Variants in WHRN observed in about 807,000 individuals in gnomAD.
WHRN encodes CASK-interacting protein CIP98.
Under a neutral mutation model 68.3 loss-of-function variants are expected in WHRN, and 41 were observed. The observed-to-expected ratio is 0.60, with a 90% CI of 0.47 to 0.78. WHRN has a LOEUF of 0.78. WHRN is among the 30% of genes least tolerant of loss of function. The pLI is 0.00. For synonymous variants in WHRN, 560 were observed against 561.3 expected (o/e 1.00, Z 0.03); for missense variants, 1,243 against 1,244.7 (o/e 1.00, Z 0.02).
At chr9:114,495,537 C>T (rs996649671) in intron 1 of WHRN, among the ~76,000 whole-genome samples, 18 of 151,984 alleles carry the variant, frequency 1.2e-4, no homozygotes, top group South Asian at 4.2e-4. Flanking sequence ...GAAAGCACAA[C>T]GAGAAGGCAA....
chr9:114,495,940 T>C (rs953927288), intron 1 of WHRN, among the ~76,000 whole-genome samples: 3 of 152,148 alleles, frequency 2.0e-5, no homozygotes, highest in East Asian at 3.9e-4. Context: ...CCTATCCACA[T>C]GGGAGGTTAA....
At chr9:114,416,097 G>A (rs1167707557) in intron 7 of WHRN, among the ~76,000 whole-genome samples, 1 of 152,160 alleles carries the variant, frequency 6.6e-6, no homozygotes, top group Non-Finnish European at 1.5e-5. Flanking sequence ...GGGGACAAGA[G>A]GAGGGAAGAA....
intron 3 of WHRN, among the ~76,000 whole-genome samples, chr9:114,428,098 T>C (rs1256826214): frequency 1.3e-5 from 2 of 152,048 alleles, no homozygotes; most frequent in East Asian, 3.9e-4. Flanking sequence ...GAGGCTGAGG[T>C]GGGCAGATCA....
chr9:114,481,817 C>T (rs1483907621), intron 1 of WHRN, among the ~76,000 whole-genome samples: 1 of 151,968 alleles, frequency 6.6e-6, no homozygotes, highest in African/African-American at 2.4e-5. Flanking sequence ...TGGTGAGAAA[C>T]AAGGAGGCAT....
At chr9:114,479,138 G>A (rs369421495) in intron 1 of WHRN, among the ~76,000 whole-genome samples, 5 of 152,144 alleles carry the variant, frequency 3.3e-5, no homozygotes, top group Non-Finnish European at 4.4e-5. Context: ...TGAGAAATGC[G>A]GCTCATGTGC....
At position 114,434,755 on chromosome 9, in the gene WHRN, T is replaced by C. The variant is rs11789516; in HGVS notation, c.964-8342A>G. ...CTTCTACTTTCACCACCTTGCCCGA[T>C]ACTTTCCTTATGTAGAAGACAGATT... On this transcript the variant is annotated intron_variant, in intron 3 of 11. Transcript: ENST00000362057. Among the ~76,000 whole-genome samples the C allele has an allele frequency of 9.1e-3, 1,386 of 152,270 alleles. 10 individuals are homozygous for C. The highest frequency in any genetic ancestry group is 0.014 in the Middle Eastern group (4 of 294).
intron 8 of WHRN, among the ~76,000 whole-genome samples, chr9:114,407,644 C>G (rs1835132866): frequency 6.6e-6 from 1 of 152,166 alleles, no homozygotes; most frequent in Non-Finnish European, 1.5e-5. Flanking sequence ...TGATCATCAT[C>G]CCCACTTTAC....
intron 9 of WHRN, 84 bp downstream of exon 9, chr9:114,406,271 C>T (rs10982200): frequency 1.9e-6 from 3 of 1,587,044 alleles, no homozygotes; most frequent in African/African-American, 2.7e-5. Flanking sequence ...AGCTGGTCCC[C>T]CCCTTCACTG....
At chr9:114,415,811 GGATGGA>G (rs1835776142) in intron 7 of WHRN, among the ~76,000 whole-genome samples, 1 of 152,196 alleles carries the variant, frequency 6.6e-6, no homozygotes, top group Admixed American at 6.5e-5. Context: ...CCCCGCTCAT[GGATGGA>G]GAACGATTCT....
intron 3 of WHRN, among the ~76,000 whole-genome samples, chr9:114,430,038 C>T (rs972096482): frequency 4.6e-5 from 7 of 152,234 alleles, no homozygotes; most frequent in East Asian, 1.9e-4. Context: ...CAATAGCTTT[C>T]GCTTTCGTTG....
At chr9:114,429,273 T>C (rs977264314) in intron 3 of WHRN, among the ~76,000 whole-genome samples, 21 of 152,170 alleles carry the variant, frequency 1.4e-4, no homozygotes, top group African/African-American at 4.3e-4. Context: ...TGATGACATC[T>C]CTCCCTGCTT....
chr9:114,475,382 A>G (rs887743932), intron 2 of WHRN, among the ~76,000 whole-genome samples: 7 of 152,154 alleles, frequency 4.6e-5, no homozygotes, highest in African/African-American at 1.2e-4. Flanking sequence ...TTTGACAGTG[A>G]TTTAAGAGCA....
At chr9:114,477,775 G>A (rs1841770276) in intron 2 of WHRN, among the ~76,000 whole-genome samples, 4 of 152,184 alleles carry the variant, frequency 2.6e-5, no homozygotes, top group African/African-American at 9.7e-5. Flanking sequence ...CTGTAAAATG[G>A]CCAGGGCTGG....
chr9:114,423,650 C>T (rs1055601029), intron 6 of WHRN, 127 bp from the exon 7 acceptor site: 1 of 897,328 alleles, frequency 1.1e-6, no homozygotes, highest in African/African-American at 1.7e-5. Context: ...TGTCTGGCTC[C>T]CCAGTGCTCT....
rs1417231117 is a variant in WHRN at position 114,402,671 on chromosome 9, G to C, written c.*83C>G. 22 of 1,570,270 alleles carry C rather than the reference G, an allele frequency of 1.4e-5. No individual in the cohort carries two copies. The highest frequency in any genetic ancestry group is 1.9e-5 in the Non-Finnish European group (22 of 1,146,274). On this transcript the variant is annotated 3_prime_UTR_variant, in exon 12 of 12. Transcript: ENST00000362057. ...ACCCTGGCCATGCAGCCCCAACCCC[G>C]CAAGGAGCTTGATGAAGCCAACGGT...
intron 1 of WHRN, among the ~76,000 whole-genome samples, chr9:114,495,677 C>T (rs1334335951): frequency 6.6e-6 from 1 of 151,996 alleles, no homozygotes; most frequent in Non-Finnish European, 1.5e-5. Context: ...TGTATATGGA[C>T]CTGAGAAGCA....
chr9:114,487,482 C>T (rs988488755), intron 1 of WHRN, among the ~76,000 whole-genome samples: 1 of 152,214 alleles, frequency 6.6e-6, no homozygotes, highest in Non-Finnish European at 1.5e-5. Flanking sequence ...AAGCTCATCT[C>T]TTCCAATACT....
rs185207823 is a variant in WHRN, at chr9:114,444,916, T to C, written c.964-18503A>G. 2.9e-4 allele frequency among the ~76,000 whole-genome samples: 44 copies of C among 152,216 alleles called. No homozygotes were observed. The East Asian group carries it at 6.5e-3, about 23-fold the overall frequency. On this transcript the variant is annotated intron_variant, in intron 3 of 11. Coordinates refer to ENST00000362057, the MANE Select transcript of WHRN (RefSeq NM_015404.4). The stretch of plus-strand genomic sequence containing the variant: ...AATATTTTATCCATATTATATTCCA[T>C]GTAGACATTACACACTGAAAGGTTA...
chr9:114,503,859 T>C (rs1459992137), intron 1 of WHRN, among the ~76,000 whole-genome samples: 1 of 151,878 alleles, frequency 6.6e-6, no homozygotes, highest in Non-Finnish European at 1.5e-5. Context: ...CAAGCAGAGA[T>C]TTTATCTCTT....
Sources: gnomAD v4.1 joint callset for allele counts (sites outside exome capture counted in the v4.1 genomes callset) on GRCh38, gnomAD v4.1.1 for gene constraint, MANE v1.5 for transcripts, NCBI Gene and HGNC (gene_info 2026-07-23, HGNC 2026-07-21) for gene names.